Variants in GRIP1 observed in about 807,000 individuals in gnomAD.
GRIP1 encodes glutamate receptor interacting protein 1, also known as glutamate receptor-interacting protein 1.
In GRIP1, 45 loss-of-function variants were observed where a neutral mutation model predicts 129.9. That is an observed-to-expected ratio of 0.35 (90% CI 0.27 to 0.44). The LOEUF is 0.44. GRIP1 is among the 20% of genes least tolerant of loss of function. The pLI is 1.00. For synonymous variants in GRIP1, 530 were observed against 520.8 expected, an observed-to-expected ratio of 1.02 and a Z score of -0.24; for missense variants, 1,196 against 1,396.8, an observed-to-expected ratio of 0.86 and a Z score of 2.29.
chr12:66,653,469 A>G (rs1338530883), intron 1 of GRIP1, among the ~76,000 whole-genome samples: 2 of 152,194 alleles, frequency 1.3e-5, no homozygotes, highest in East Asian at 3.9e-4. Context: ...ACACCTCTGT[A>G]TTAGCCATTC....
At chr12:66,754,396 C>A (rs542870101) in intron 1 of GRIP1, among the ~76,000 whole-genome samples, 2 of 152,132 alleles carry the variant, frequency 1.3e-5, no homozygotes, top group African/African-American at 2.4e-5. Flanking sequence ...CAACACACAC[C>A]GCAGCGTTTC....
At chr12:66,446,380 T>C (rs1348634416) in intron 11 of GRIP1, among the ~76,000 whole-genome samples, 1 of 152,052 alleles carries the variant, frequency 6.6e-6, no homozygotes, top group Admixed American at 6.5e-5. Flanking sequence ...GGTCCTATGC[T>C]GCACTGAGTC....
intron 1 of GRIP1, among the ~76,000 whole-genome samples, chr12:66,650,900 A>G (rs570322646): frequency 6.6e-6 from 1 of 152,324 alleles, no homozygotes; most frequent in East Asian, 1.9e-4. Context: ...CCTTGGGCAA[A>G]CTAATTAACT....
At chr12:67,063,849 G>GCTGT (rs2043577062) in intron 1 of GRIP1, among the ~76,000 whole-genome samples, 2 of 152,106 alleles carry the variant, frequency 1.3e-5, no homozygotes, top group African/African-American at 4.8e-5. Flanking sequence ...TGACCACTGG[G>GCTGT]CTGTCTGTTA....
At chr12:66,861,686 A>C (rs2040115130) in intron 1 of GRIP1, among the ~76,000 whole-genome samples, 1 of 152,108 alleles carries the variant, frequency 6.6e-6, no homozygotes, top group Non-Finnish European at 1.5e-5. Flanking sequence ...TCAATAAAAT[A>C]ATAGTTCACA....
At chr12:66,606,551 T>C (rs2064538734) in intron 1 of GRIP1, among the ~76,000 whole-genome samples, 1 of 152,192 alleles carries the variant, frequency 6.6e-6, no homozygotes, top group Admixed American at 6.5e-5. Flanking sequence ...ATTCATGAGA[T>C]GCCAACATGA....
At chr12:66,649,987 A>G (rs1439962247) in intron 1 of GRIP1, among the ~76,000 whole-genome samples, 2 of 152,194 alleles carry the variant, frequency 1.3e-5, no homozygotes, top group Non-Finnish European at 1.5e-5. Context: ...AAGTTTTTAA[A>G]GGCTCTAGGA....
intron 1 of GRIP1, among the ~76,000 whole-genome samples, chr12:66,851,339 T>A (rs1592902096): frequency 6.6e-6 from 1 of 152,148 alleles, no homozygotes; most frequent in East Asian, 1.9e-4. Context: ...GTTGCTCTAC[T>A]ATAAAAGAGG....
intron 1 of GRIP1, among the ~76,000 whole-genome samples, chr12:66,986,270 C>T (rs1388939782): frequency 2.0e-5 from 3 of 152,036 alleles, no homozygotes; most frequent in Non-Finnish European, 4.4e-5. Flanking sequence ...GTCAGTGTGG[C>T]GATTCCTCAG....
chr12:67,035,478 A>T (rs2043081856), intron 1 of GRIP1: 1 of 152,218 alleles, frequency 6.6e-6, no homozygotes, highest in African/African-American at 2.4e-5. Context: ...ATTAGTTTTA[A>T]TGTTGTAATT....
At chr12:66,661,983 T>G (rs1228769345) in intron 1 of GRIP1, among the ~76,000 whole-genome samples, 4 of 152,212 alleles carry the variant, frequency 2.6e-5, no homozygotes, top group Non-Finnish European at 5.9e-5. Flanking sequence ...TACGTAACAC[T>G]GTAGCCATTC....
At chr12:66,366,641 A>G (rs1028594899) in intron 23 of GRIP1, among the ~76,000 whole-genome samples, 1 of 152,250 alleles carries the variant, frequency 6.6e-6, no homozygotes, top group East Asian at 1.9e-4. Context: ...ATTGAAAAGC[A>G]TGAATGACAA....
intron 1 of GRIP1, among the ~76,000 whole-genome samples, chr12:66,911,046 G>C (rs954058859): frequency 6.6e-6 from 1 of 152,174 alleles, no homozygotes; most frequent in African/African-American, 2.4e-5. Context: ...TAATGGATGG[G>C]GATACAAAAA....
chr12:66,978,205 A>T (rs984146581), intron 1 of GRIP1, among the ~76,000 whole-genome samples: 6 of 151,898 alleles, frequency 4.0e-5, no homozygotes, highest in Non-Finnish European at 7.4e-5. Flanking sequence ...TAATAAATAG[A>T]CTCAACTCTG....
intron 2 of GRIP1, among the ~76,000 whole-genome samples, chr12:66,548,280 G>A (rs76048919): frequency 0.05 from 7,563 of 152,268 alleles, 252 homozygotes; most frequent in South Asian, 0.11. Context: ...TGGAGGTGCT[G>A]TAAAAAATTC....
At chr12:67,009,535 G>A (rs1467574835) in intron 1 of GRIP1, among the ~76,000 whole-genome samples, 1 of 152,152 alleles carries the variant, frequency 6.6e-6, no homozygotes, top group Non-Finnish European at 1.5e-5. Context: ...GCATGATGCA[G>A]ACTTTAAAGA....
At chr12:66,557,954 A>G (rs1445305534) in intron 2 of GRIP1, among the ~76,000 whole-genome samples, 1 of 151,838 alleles carries the variant, frequency 6.6e-6, no homozygotes, top group Non-Finnish European at 1.5e-5. Flanking sequence ...CATAAAAGAA[A>G]AGAGCAGAAA....
chr12:66,594,706 C>T (rs530166233), intron 2 of GRIP1, among the ~76,000 whole-genome samples: 23 of 152,100 alleles, frequency 1.5e-4, no homozygotes, highest in Non-Finnish European at 2.8e-4. Context: ...AAAGAGGATA[C>T]ATTTACTTGG....
At chr12:67,000,991 T>C (rs2042542851) in intron 1 of GRIP1, among the ~76,000 whole-genome samples, 2 of 152,274 alleles carry the variant, frequency 1.3e-5, no homozygotes, top group Admixed American at 6.5e-5. Context: ...TTTAACTGAG[T>C]ATCCTGTATT....
Sources: allele counts gnomAD v4.1 joint callset (sites outside exome capture counted in the v4.1 genomes callset), GRCh38; gene constraint gnomAD v4.1.1; transcripts MANE v1.5; gene names NCBI Gene and HGNC (gene_info 2026-07-23, HGNC 2026-07-21).